Variants in GALNT13 observed in about 807,000 individuals in gnomAD.
The protein encoded by GALNT13 is UDP-GalNAc:polypeptide N-acetylgalactosaminyltransferase 13.
GALNT13 carries 28 observed loss-of-function variants against 64.2 expected under a neutral mutation model. The observed-to-expected ratio is 0.44, with a 90% confidence interval of 0.32 to 0.60. The LOEUF is 0.60. GALNT13 is among the 20% of genes least tolerant of loss of function. The pLI is 0.05. For missense variants in GALNT13, 577 were observed against 669.8 expected, an observed-to-expected ratio of 0.86 and a Z score of 1.53; for synonymous variants, 214 against 224.6, an observed-to-expected ratio of 0.95 and a Z score of 0.42.
the GALNT13 span, among the ~76,000 whole-genome samples, chr2:153,760,402 T>TGTATCCCATAAG: frequency 4.6e-5 from 7 of 152,016 alleles, no homozygotes; most frequent in Non-Finnish European, 8.8e-5. Context: ...ATAGAACTGT[T>TGTATCCCATAAG]TTTGTTGTAT....
the GALNT13 span, among the ~76,000 whole-genome samples, chr2:153,514,065 T>C: frequency 3.3e-5 from 5 of 152,180 alleles, no homozygotes; most frequent in Non-Finnish European, 5.9e-5. Context: ...TAATTTTTTT[T>C]CTCTAATTCT....
intron 7 of GALNT13, among the ~76,000 whole-genome samples, chr2:154,248,402 A>C (rs556097910): frequency 1.3e-5 from 2 of 152,196 alleles, no homozygotes; most frequent in East Asian, 3.9e-4. Flanking sequence ...TTTTCCTTTA[A>C]TCAGTAATAT....
the GALNT13 span, among the ~76,000 whole-genome samples, chr2:153,117,352 C>T: frequency 2.6e-5 from 4 of 152,134 alleles, no homozygotes; most frequent in East Asian, 1.9e-4. Flanking sequence ...TGAATAACTT[C>T]GTAGTTATCA....
the GALNT13 span, among the ~76,000 whole-genome samples, chr2:153,113,834 A>T: frequency 6.6e-6 from 1 of 152,100 alleles, no homozygotes; most frequent in African/African-American, 2.4e-5. Flanking sequence ...AATAGGCTAC[A>T]TGACTTGCCC....
chr2:154,195,835 C>T (rs549887898), intron 4 of GALNT13, among the ~76,000 whole-genome samples: 2 of 152,238 alleles, frequency 1.3e-5, no homozygotes, highest in South Asian at 4.1e-4. Context: ...GTGATTTTGC[C>T]ACTGGGGAGC....
chr2:153,855,539 G>C, the GALNT13 span, among the ~76,000 whole-genome samples: 1 of 152,148 alleles, frequency 6.6e-6, no homozygotes, highest in Non-Finnish European at 1.5e-5. Context: ...GCCACAATGA[G>C]ACACCACTTT....
chr2:153,440,325 C>T, the GALNT13 span, among the ~76,000 whole-genome samples: 1 of 152,122 alleles, frequency 6.6e-6, no homozygotes, highest in Admixed American at 6.5e-5. Context: ...GTATATGTGC[C>T]ACATTTTCTT....
At chr2:153,912,013 C>T (rs1352514570) in intron 2 of GALNT13, among the ~76,000 whole-genome samples, 4 of 152,134 alleles carry the variant, frequency 2.6e-5, no homozygotes, top group African/African-American at 7.2e-5. Flanking sequence ...AAGTTGCTTC[C>T]ATTCTGCTTA....
the GALNT13 span, among the ~76,000 whole-genome samples, chr2:153,432,894 T>G: frequency 4.6e-5 from 7 of 152,300 alleles, no homozygotes; most frequent in East Asian, 1.3e-3. Flanking sequence ...GTAAAATAGT[T>G]TCATAAAATC....
At chr2:154,416,085 C>T (rs1371020974) in intron 11 of GALNT13, among the ~76,000 whole-genome samples, 1 of 152,110 alleles carries the variant, frequency 6.6e-6, no homozygotes, top group East Asian at 1.9e-4. Context: ...ATCATTAATG[C>T]TTGACTGGGA....
At chr2:153,097,926 C>G in the GALNT13 span, among the ~76,000 whole-genome samples, 2 of 151,984 alleles carry the variant, frequency 1.3e-5, no homozygotes, top group Admixed American at 6.6e-5. Flanking sequence ...ATTAGCTGGG[C>G]GTGGTCGTGG....
chr2:154,109,264 C>A (rs769026389), intron 3 of GALNT13, among the ~76,000 whole-genome samples: 22 of 151,924 alleles, frequency 1.4e-4, no homozygotes, highest in Non-Finnish European at 3.1e-4. Flanking sequence ...TTAATTATTT[C>A]TTGATTTCTT....
chr2:154,197,896 C>T (rs527310362), intron 4 of GALNT13, among the ~76,000 whole-genome samples: 3 of 150,680 alleles, frequency 2.0e-5, no homozygotes, highest in African/African-American at 7.3e-5. Context: ...AAATGGTCAA[C>T]AAATATATGA....
At chr2:153,153,399 A>T in the GALNT13 span, among the ~76,000 whole-genome samples, 1 of 151,978 alleles carries the variant, frequency 6.6e-6, no homozygotes, top group Admixed American at 6.6e-5. Flanking sequence ...CTTTAATTAG[A>T]TCCCATTTGT....
At chr2:153,123,576 A>T in the GALNT13 span, among the ~76,000 whole-genome samples, 1 of 152,214 alleles carries the variant, frequency 6.6e-6, no homozygotes, top group Non-Finnish European at 1.5e-5. Context: ...TGAGACAGGA[A>T]TAAACCAAAT....
chr2:153,707,393 T>C, the GALNT13 span, among the ~76,000 whole-genome samples: 1 of 152,202 alleles, frequency 6.6e-6, no homozygotes, highest in Non-Finnish European at 1.5e-5. Flanking sequence ...GAATCTTGAT[T>C]ATATTTGTGG....
At chr2:153,081,634 C>A in the GALNT13 span, among the ~76,000 whole-genome samples, 1 of 152,112 alleles carries the variant, frequency 6.6e-6, no homozygotes, top group Non-Finnish European at 1.5e-5. Flanking sequence ...CTTTCTGTGC[C>A]TGGCTTATTT....
chr2:153,547,089 GT>G, the GALNT13 span, among the ~76,000 whole-genome samples: 1 of 152,212 alleles, frequency 6.6e-6, no homozygotes, highest in Non-Finnish European at 1.5e-5. Context: ...GAAGTAGAAT[GT>G]TTGGTTTCAA....
chr2:153,523,043 A>ATTTTTTT, the GALNT13 span, among the ~76,000 whole-genome samples: 149 of 83,326 alleles, frequency 1.8e-3, 6 homozygotes, highest in African/African-American at 3.6e-3. Flanking sequence ...TGTGTTTACT[A>ATTTTTTT]TTTTTTTTTT....
Sources: allele counts gnomAD v4.1 joint callset (sites outside exome capture counted in the v4.1 genomes callset), GRCh38; gene constraint gnomAD v4.1.1; transcripts MANE v1.5; gene names NCBI Gene and HGNC (gene_info 2026-07-23, HGNC 2026-07-21).